Variants in PTPRT observed in about 807,000 individuals in gnomAD.
PTPRT encodes protein tyrosine phosphatase receptor type T, also known as receptor-type tyrosine-protein phosphatase T.
PTPRT carries 56 observed loss-of-function variants against 176.8 expected under a neutral mutation model. The ratio of observed to expected loss-of-function variants is 0.32; its 90% confidence interval spans 0.26 to 0.40. The LOEUF (loss-of-function observed/expected upper bound fraction) is 0.40. Ranked by LOEUF, PTPRT falls within the 10% of genes least tolerant of loss-of-function variation. The probability of loss-of-function intolerance (pLI) is 1.00; values close to 1 mark genes in which losing one functional copy is unlikely to be tolerated. For missense variants in PTPRT, 1,540 were observed against 1,908.2 expected (o/e 0.81, Z 3.60); for synonymous variants, 783 against 739.0 (o/e 1.06, Z -0.96).
rs2056917800 is a variant in PTPRT, at chr20:42,270,571, C to A, written c.2176+11918G>T. On this transcript the variant is annotated intron_variant, in intron 13 of 30. Coordinates refer to ENST00000373187, the MANE Select transcript of PTPRT (RefSeq NM_007050.6). ...GCAATTCTTGTGGCTCTGAAGAGCT[C>A]ACACTAAATAGCAAAAGAACATCAT... 3.9e-6 allele frequency: 3 copies of A among 763,172 alleles called. No homozygotes were observed. In the East Asian group the frequency reaches 8.1e-5, roughly 21 times the overall value. The allele number at this position is 763,172 out of a possible 1,614,324, so 47.3% of individuals were successfully genotyped here. A position where few individuals can be genotyped will look rare whatever the true frequency, so the allele number is the denominator to read the frequency against.
rs768222550 is a variant in PTPRT, at chr20:42,756,540, T to G, written c.781A>C (p.Ser261Arg). 4.3e-6 allele frequency: 7 copies of G among 1,612,668 alleles called. No homozygotes were observed. The highest frequency in any genetic ancestry group is 5.9e-6 in the Non-Finnish European group (7 of 1,179,102). Residue 261 changes from serine to arginine, a missense_variant, in exon 6 of 31, where the codon AGC becomes CGC. This residue lies in a region of PTPRT where 273 missense variants were observed against 432.1 expected (regional missense o/e 0.63). Coordinates refer to ENST00000373187, the MANE Select transcript of PTPRT (RefSeq NM_007050.6). ...TVSVADTAQR[S>R]VSKYRCVIRS... ...ATCACACAGCGGTACTTGCTGACGC[T>G]CCGCTGGGCAGTGTCTGCCACACTG...
intron 7 of PTPRT, among the ~76,000 whole-genome samples, chr20:42,516,740 C>G (rs1256648424): frequency 3.3e-5 from 5 of 152,092 alleles, no homozygotes; most frequent in Non-Finnish European, 4.4e-5. Context: ...TACCAAGATT[C>G]ACTTGTAGTA....
intron 1 of PTPRT, among the ~76,000 whole-genome samples, chr20:42,958,600 C>T (rs1163899418): frequency 6.6e-6 from 1 of 152,018 alleles, no homozygotes; most frequent in African/African-American, 2.4e-5. Flanking sequence ...CAACCCTACA[C>T]AACATTAGGC....
rs200107921 is a variant in PTPRT at position 42,472,554 on chromosome 20, G to A, written c.1162C>T (p.His388Tyr). 1.2e-4 allele frequency: 191 copies of A among 1,613,550 alleles called. No homozygotes were observed. Among genetic ancestry groups the A allele is most frequent in the Non-Finnish European group, 1.3e-4 (148 of 1,179,932 alleles). Residue 388 changes from histidine to tyrosine, a missense_variant, in exon 8 of 31, where the codon CAT (histidine) becomes TAT (tyrosine). Around this residue, in one of 11 missense-constraint regions of PTPRT, gnomAD observed 273 missense variants for 432.1 expected, o/e 0.63. Coordinates refer to ENST00000373187, the MANE Select transcript of PTPRT (RefSeq NM_007050.6). ...TTRTKCADPV[H>Y]GPQNVEIVDI... ...ACGATTTCCACGTTCTGTGGGCCAT[G>A]TACCGGATCTGCAAAACATGCAGGC...
intron 7 of PTPRT, among the ~76,000 whole-genome samples, chr20:42,585,434 C>G (rs904538059): frequency 6.6e-6 from 1 of 152,070 alleles, no homozygotes; most frequent in African/African-American, 2.4e-5. Context: ...CATTTGCACT[C>G]TATTTTGTAT....
At chr20:42,465,269 A>G (rs2071085137) in intron 8 of PTPRT, among the ~76,000 whole-genome samples, 1 of 152,150 alleles carries the variant, frequency 6.6e-6, no homozygotes, top group African/African-American at 2.4e-5. Context: ...AAAACTTCAT[A>G]TGTACTTACT....
intron 7 of PTPRT, among the ~76,000 whole-genome samples, chr20:42,525,001 C>T (rs1008448857): frequency 1.3e-5 from 2 of 152,062 alleles, no homozygotes; most frequent in African/African-American, 4.8e-5. Context: ...TCCCATTATT[C>T]ATGCATTTTG....
chr20:42,038,243 C>T, the PTPRT span, among the ~76,000 whole-genome samples: 11 of 151,964 alleles, frequency 7.2e-5, no homozygotes, highest in South Asian at 2.1e-4. Flanking sequence ...ATAAGGAGAT[C>T]GGCTCAGAGA....
At chr20:42,899,375 G>A (rs530808580) in intron 1 of PTPRT, among the ~76,000 whole-genome samples, 2 of 152,306 alleles carry the variant, frequency 1.3e-5, no homozygotes, top group South Asian at 4.1e-4. Flanking sequence ...GCCTGCAGAA[G>A]CCCAAGCCAA....
chr20:42,948,137 C>T (rs888228186), intron 1 of PTPRT, among the ~76,000 whole-genome samples: 7 of 152,196 alleles, frequency 4.6e-5, no homozygotes, highest in African/African-American at 1.2e-4. Context: ...CTGAGGACTC[C>T]GTCCATCTCA....
chr20:42,121,517 G>A (rs536380194), intron 19 of PTPRT, among the ~76,000 whole-genome samples: 39 of 152,180 alleles, frequency 2.6e-4, no homozygotes, highest in East Asian at 2.5e-3. Flanking sequence ...GTGGTTATGC[G>A]TACCATGGAC....
At chr20:42,066,333 C>T in the PTPRT span, among the ~76,000 whole-genome samples, 40,606 of 152,006 alleles carry the variant, frequency 0.27, 6,128 homozygotes, top group South Asian at 0.37. Context: ...TGAGCCACTG[C>T]GCCTGGCTGG....
chr20:42,771,158 CAGA>C (rs1258141855), intron 5 of PTPRT, among the ~76,000 whole-genome samples: 1 of 152,182 alleles, frequency 6.6e-6, no homozygotes, highest in Non-Finnish European at 1.5e-5. Flanking sequence ...CACATCCCGC[CAGA>C]CAAGTCCCAG....
intron 1 of PTPRT, among the ~76,000 whole-genome samples, chr20:43,176,759 C>G (rs562253593): frequency 6.6e-6 from 1 of 152,244 alleles, no homozygotes; most frequent in African/African-American, 2.4e-5. Context: ...GGTTCATGTA[C>G]CAGAAAATCC....
In PTPRT at chr20:42,820,369, A is replaced by G. The variant is rs564322921; in HGVS notation, c.215-28903T>C. On this transcript the variant is annotated intron_variant, in intron 2 of 30. Coordinates refer to ENST00000373187, the MANE Select transcript of PTPRT (RefSeq NM_007050.6). ...GAAATCAAGAAGTTCTTTGAAACCAATGAGAACAAGGAGACAGCATGCCAG... is the reference window on the plus strand; with the variant it reads ...GAAATCAAGAAGTTCTTTGAAACCAGTGAGAACAAGGAGACAGCATGCCAG... Among the ~76,000 whole-genome samples the G allele has an allele frequency of 2.6e-5, 4 of 152,276 alleles. No individual in the cohort carries two copies. The South Asian group carries it at 6.2e-4, about 24-fold the overall frequency.
chr20:43,061,857 C>T (rs1038770918), intron 1 of PTPRT, among the ~76,000 whole-genome samples: 1 of 152,214 alleles, frequency 6.6e-6, no homozygotes, highest in African/African-American at 2.4e-5. Flanking sequence ...ATTGCTGTGA[C>T]TCAGGCAGAA....
intron 11 of PTPRT, among the ~76,000 whole-genome samples, chr20:42,335,056 G>A (rs1293158283): frequency 6.6e-6 from 1 of 152,204 alleles, no homozygotes; most frequent in Non-Finnish European, 1.5e-5. Flanking sequence ...GGTACCACAT[G>A]TGATGAGATA....
At chr20:42,324,767 A>G (rs2057857534) in intron 11 of PTPRT, among the ~76,000 whole-genome samples, 1 of 152,156 alleles carries the variant, frequency 6.6e-6, no homozygotes, top group Non-Finnish European at 1.5e-5. Context: ...TGAAATTTAC[A>G]ATGATATGTC....
intron 1 of PTPRT, among the ~76,000 whole-genome samples, chr20:42,920,568 C>CT (rs201041643): frequency 1.8e-4 from 25 of 140,744 alleles, no homozygotes; most frequent in South Asian, 6.7e-4. Flanking sequence ...TACCTTAATA[C>CT]TTTTTTTTTT....
Sources: allele counts gnomAD v4.1 joint callset (sites outside exome capture counted in the v4.1 genomes callset), GRCh38; gene constraint gnomAD v4.1.1; regional missense constraint gnomAD v4.1.1; transcripts MANE v1.5; gene names NCBI Gene and HGNC (gene_info 2026-07-23, HGNC 2026-07-21).